Variants in C8orf89 observed in about 807,000 individuals in gnomAD.
C8orf89 encodes putative uncharacterized protein C8orf89.
Under a neutral mutation model 15.8 loss-of-function variants are expected in C8orf89, and 14 were observed. The observed-to-expected ratio is 0.89, with a 90% CI of 0.59 to 1.39. C8orf89 has a LOEUF of 1.39. Among genes scored for constraint, C8orf89 ranks in the 40% most tolerant of loss-of-function variants. The probability of loss-of-function intolerance (pLI) is 0.00; values close to 1 mark genes in which losing one functional copy is unlikely to be tolerated. For synonymous variants in C8orf89, 55 were observed against 62.2 expected (o/e 0.88, Z 0.54); for missense variants, 181 against 184.5 (o/e 0.98, Z 0.11).
At chr8:73,279,650 C>A in the C8orf89 span, among the ~76,000 whole-genome samples, 21 of 152,188 alleles carry the variant, frequency 1.4e-4, no homozygotes, top group African/African-American at 5.1e-4. Flanking sequence ...TTCCTCCTCT[C>A]CTCCATCAAG....
upstream of C8orf89, among the ~76,000 whole-genome samples, chr8:73,262,979 A>C (rs1178276683): frequency 6.6e-6 from 1 of 152,162 alleles, no homozygotes; most frequent in Non-Finnish European, 1.5e-5. Context: ...AAAATTAAGG[A>C]TACTTTACAG....
chr8:73,283,934 T>G, the C8orf89 span, among the ~76,000 whole-genome samples: 2 of 151,742 alleles, frequency 1.3e-5, no homozygotes, highest in Admixed American at 6.6e-5. Flanking sequence ...TCCCAGCTAC[T>G]TGGGAGGCTG....
the C8orf89 span, among the ~76,000 whole-genome samples, chr8:73,273,151 G>A: frequency 6.6e-6 from 1 of 152,210 alleles, no homozygotes; most frequent in Non-Finnish European, 1.5e-5. Context: ...AGGGCTGCAT[G>A]CTCCATGGAG....
intron 3 of C8orf89, among the ~76,000 whole-genome samples, chr8:73,246,723 T>C (rs1346693149): frequency 6.6e-6 from 1 of 152,148 alleles, no homozygotes; most frequent in African/African-American, 2.4e-5. Context: ...TATTTTACAC[T>C]GTCTGTTGAT....
chr8:73,274,510 A>G, the C8orf89 span, among the ~76,000 whole-genome samples: 1 of 152,184 alleles, frequency 6.6e-6, no homozygotes, highest in African/African-American at 2.4e-5. Flanking sequence ...TACAGAGAGA[A>G]ATGTAACATT....
chr8:73,263,157 C>G (rs1341159683), upstream of C8orf89, among the ~76,000 whole-genome samples: 1 of 152,158 alleles, frequency 6.6e-6, no homozygotes, highest in Non-Finnish European at 1.5e-5. Flanking sequence ...TTAAAACTAA[C>G]AGCTGTGAAA....
chr8:73,281,842 G>GTTT, the C8orf89 span, among the ~76,000 whole-genome samples: 1 of 152,170 alleles, frequency 6.6e-6, no homozygotes, highest in Admixed American at 6.5e-5. Flanking sequence ...AATGTAATGT[G>GTTT]TAACACTGCA....
At chr8:73,267,975 C>G in the C8orf89 span, among the ~76,000 whole-genome samples, 2 of 152,154 alleles carry the variant, frequency 1.3e-5, no homozygotes, top group East Asian at 3.8e-4. Flanking sequence ...TCAAACCCAA[C>G]TCTGATGAAG....
At chr8:73,277,474 C>T in the C8orf89 span, 11 of 959,222 alleles carry the variant, frequency 1.1e-5, no homozygotes, top group East Asian at 9.6e-5. Flanking sequence ...GAGAAGAATC[C>T]CCTGGTTTCC....
At chr8:73,252,890 C>A (rs1183407118) in intron 2 of C8orf89, among the ~76,000 whole-genome samples, 1 of 152,086 alleles carries the variant, frequency 6.6e-6, no homozygotes, top group Non-Finnish European at 1.5e-5. Context: ...GCCTGTAATC[C>A]CAGCACTTTG....
chr8:73,255,998 T>C (rs1317990010), intron 2 of C8orf89, among the ~76,000 whole-genome samples: 2 of 151,070 alleles, frequency 1.3e-5, no homozygotes, highest in Non-Finnish European at 2.9e-5. Flanking sequence ...TTAGGAGATA[T>C]ACCTAATGCT....
chr8:73,277,916 G>A, the C8orf89 span: 61 of 670,166 alleles, frequency 9.1e-5, no homozygotes, highest in African/African-American at 9.1e-4. Context: ...CTCCAGTGCC[G>A]CTTTCTGGGG....
the C8orf89 span, among the ~76,000 whole-genome samples, chr8:73,269,010 A>T: frequency 6.6e-6 from 1 of 152,172 alleles, no homozygotes; most frequent in Admixed American, 6.5e-5. Flanking sequence ...TATCCTATTG[A>T]TTAGAACTTA....
At chr8:73,274,300 C>T in the C8orf89 span, among the ~76,000 whole-genome samples, 9 of 152,024 alleles carry the variant, frequency 5.9e-5, no homozygotes, top group Non-Finnish European at 1.3e-4. Context: ...TACAGGCACC[C>T]GCCACCACGC....
chr8:73,253,914 T>C (rs1235668589), intron 2 of C8orf89, among the ~76,000 whole-genome samples: 4 of 151,028 alleles, frequency 2.6e-5, no homozygotes, highest in Non-Finnish European at 4.4e-5. Flanking sequence ...CCTAATTGAA[T>C]ACCCTTTATT....
the C8orf89 span, among the ~76,000 whole-genome samples, chr8:73,283,558 T>G: frequency 6.6e-6 from 1 of 152,236 alleles, no homozygotes; most frequent in Non-Finnish European, 1.5e-5. Context: ...AAACACTAAG[T>G]GGAAGCTATT....
chr8:73,270,291 C>T, the C8orf89 span, among the ~76,000 whole-genome samples: 11 of 152,018 alleles, frequency 7.2e-5, no homozygotes, highest in African/African-American at 1.7e-4. Flanking sequence ...AATTTAATAG[C>T]GTAATAACCA....
chr8:73,263,012 A>AAC (rs147171125), upstream of C8orf89, among the ~76,000 whole-genome samples: 244 of 151,932 alleles, frequency 1.6e-3, no homozygotes, highest in East Asian at 0.014. Context: ...GGCTATTTAA[A>AAC]ACACACACAC....
chr8:73,246,335 T>C (rs373169598), intron 3 of C8orf89, among the ~76,000 whole-genome samples: 202 of 152,294 alleles, frequency 1.3e-3, no homozygotes, highest in Middle Eastern at 0.01. Flanking sequence ...AAATGTTCAT[T>C]TGGGCCGAGA....
Sources: gnomAD v4.1 joint callset for allele counts (sites outside exome capture counted in the v4.1 genomes callset) on GRCh38, gnomAD v4.1.1 for gene constraint, MANE v1.5 for transcripts, NCBI Gene and HGNC (gene_info 2026-07-23, HGNC 2026-07-21) for gene names.